The following ZC4H2 variants were observed in gnomAD, a reference collection of about 807,000 sequenced individuals.
ZC4H2 encodes the protein zinc finger C4H2-type containing.
For missense variants in ZC4H2, 137 were observed against 173.9 expected (o/e 0.79, Z 1.19); for synonymous variants, 84 against 66.3 (o/e 1.27, Z -1.30).
intron 1 of ZC4H2, among the ~76,000 whole-genome samples, chrX:64,946,208 C>T (rs1303836172): frequency 5.4e-5 from 6 of 111,725 alleles, no homozygotes; most frequent in Non-Finnish European, 1.1e-4. Flanking sequence ...AAACAGCCAC[C>T]CAGTTTTGTG....
At chrX:65,009,928 C>T (rs765594172) in intron 1 of ZC4H2, among the ~76,000 whole-genome samples, 3 of 112,150 alleles carry the variant, frequency 2.7e-5, no homozygotes, top group Non-Finnish European at 5.6e-5. Context: ...TCATACTCTC[C>T]AGAGTTCCTG....
intron 1 of ZC4H2, among the ~76,000 whole-genome samples, chrX:64,934,526 G>C (rs758739838): frequency 3.6e-5 from 4 of 111,959 alleles, no homozygotes; most frequent in Middle Eastern, 4.6e-3. Context: ...CCTGATATCA[G>C]AAAATTTGTG....
At chrX:65,003,165 A>C (rs192908762) in intron 1 of ZC4H2, among the ~76,000 whole-genome samples, 120 of 111,317 alleles carry the variant, frequency 1.1e-3, no homozygotes, top group African/African-American at 3.8e-3. Flanking sequence ...GAAAATGAAC[A>C]ATCTGCTCCT....
intron 1 of ZC4H2, among the ~76,000 whole-genome samples, chrX:64,950,606 CCTT>C (rs1930758652): frequency 9.1e-6 from 1 of 110,320 alleles, no homozygotes; most frequent in Non-Finnish European, 1.9e-5. Context: ...TATGAAATGA[CCTT>C]CTTTGTCTCT....
chrX:64,987,689 AT>A (rs1319288820), intron 1 of ZC4H2, among the ~76,000 whole-genome samples: 85 of 104,603 alleles, frequency 8.1e-4, no homozygotes, highest in East Asian at 2.7e-3. Flanking sequence ...TAAGCAAAGG[AT>A]TTTTTTTTTT....
Position 64,920,082 on chromosome X carries a change from C to T in ZC4H2, c.397G>A (p.Asp133Asn). The T allele has an allele frequency of 8.3e-7, 1 of 1,208,527 alleles. No homozygotes were observed. Among genetic ancestry groups the T allele is most frequent in the Non-Finnish European group, 1.1e-6 (1 of 894,318 alleles). ...AGGGACTGGGGGCAGGTAGCTTACT[C>T]CAAGGAAAGCTTCTCCTCTTCTTCA... ...LCEEEEKLSL[D>N]YFEKQKAEWQ... The change falls in exon 3 of 5, where the codon GAT (aspartate) becomes AAT (asparagine). Residue 133 changes from aspartate (D) to asparagine (N), a missense_variant and splice_region_variant. Physicochemically the swap from Asp to Asn is conservative, Grantham distance 23. Transcript: ENST00000374839.
At chrX:64,986,272 TG>T (rs1209518413) in intron 1 of ZC4H2, among the ~76,000 whole-genome samples, 1 of 112,325 alleles carries the variant, frequency 8.9e-6, no homozygotes, top group African/African-American at 3.2e-5. Flanking sequence ...GACAGCTTTT[TG>T]GTCTATTAGT....
chrX:64,934,879 G>A (rs910132038), intron 1 of ZC4H2, among the ~76,000 whole-genome samples: 2 of 111,696 alleles, frequency 1.8e-5, no homozygotes, highest in Non-Finnish European at 1.9e-5. Flanking sequence ...CCAGGACCCT[G>A]GGTTTCCAGC....
intron 1 of ZC4H2, among the ~76,000 whole-genome samples, chrX:64,931,893 C>T (rs1453138526): frequency 2.7e-5 from 3 of 111,511 alleles, no homozygotes; most frequent in African/African-American, 6.5e-5. Context: ...TAGTTTAAGT[C>T]CACTGTTTCT....
chrX:64,977,050 T>C (rs1931974389), upstream of ZC4H2, among the ~76,000 whole-genome samples: 1 of 111,351 alleles, frequency 9.0e-6, no homozygotes, highest in African/African-American at 3.3e-5. Context: ...AAGCTCGGAC[T>C]TTGCCAGTCA....
chrX:64,976,609 T>G, upstream of ZC4H2: 2 of 424,293 alleles, frequency 4.7e-6, no homozygotes, highest in Non-Finnish European at 8.2e-6. Flanking sequence ...TTTCCCTTCC[T>G]GCAGCCGCAC....
intron 1 of ZC4H2, among the ~76,000 whole-genome samples, chrX:64,995,522 G>A (rs1268945504): frequency 8.9e-6 from 1 of 111,994 alleles, no homozygotes; most frequent in East Asian, 2.8e-4. Context: ...ACCACACCTG[G>A]CTAATTTTTG....
At chrX:64,944,109 T>G (rs7049332) in intron 1 of ZC4H2, among the ~76,000 whole-genome samples, 30 of 109,737 alleles carry the variant, frequency 2.7e-4, no homozygotes, top group African/African-American at 1.0e-3. Flanking sequence ...TAGCTGGATA[T>G]GAAATTCTGG....
chrX:65,019,067 T>C (rs977794133), intron 1 of ZC4H2, among the ~76,000 whole-genome samples: 1 of 111,624 alleles, frequency 9.0e-6, no homozygotes, highest in Non-Finnish European at 1.9e-5. Context: ...CCCATCTCAC[T>C]GGGACAGAGG....
At position 64,916,723 on chromosome X, in the gene ZC4H2, GA is replaced by G. The variant is rs1408909430; in HGVS notation, c.*1059del. On this transcript the variant is annotated 3_prime_UTR_variant, in exon 5 of 5. Transcript: ENST00000374839. ...GGGAGCCTGATGCCTTTTCTTTTGG[GA>G]GGAAAGGCCACCTGCACAATCCACA... The G allele has an allele frequency of 1.8e-5, 2 of 111,209 alleles. No individual in the cohort carries two copies. Among genetic ancestry groups the G allele is most frequent in the African/African-American group, 6.5e-5 (2 of 30,568 alleles). 9.2% of individuals were successfully genotyped at this position (111,209 alleles called of 1,213,427 possible).
chrX:64,940,843 C>G (rs1411392783), intron 1 of ZC4H2, among the ~76,000 whole-genome samples: 1 of 111,783 alleles, frequency 8.9e-6, no homozygotes, highest in Non-Finnish European at 1.9e-5. Context: ...ATATCCCCAG[C>G]TTTGTTCTTT....
chrX:64,977,131 A>G (rs962894972), upstream of ZC4H2, among the ~76,000 whole-genome samples: 3 of 112,154 alleles, frequency 2.7e-5, no homozygotes, highest in Non-Finnish European at 3.8e-5. Flanking sequence ...TTTGAGGAAC[A>G]GAAGAGGCTG....
chrX:65,003,831 C>T (rs5918911), intron 1 of ZC4H2, among the ~76,000 whole-genome samples: 21,558 of 107,066 alleles, frequency 0.2, 2,058 homozygotes, highest in Admixed American at 0.31. Flanking sequence ...AAACCAAGAT[C>T]GCACCACTGC....
chrX:64,937,768 G>A lies in ZC4H2; in HGVS notation c.54-15780C>T, dbSNP rs770745747. Among the ~76,000 whole-genome samples the A allele has an allele frequency of 4.5e-5, 5 of 111,203 alleles. No individual in the cohort carries two copies. The East Asian group carries it at 1.4e-3, about 31-fold the overall frequency. On this transcript the variant is annotated intron_variant, in intron 1 of 4. Transcript: ENST00000374839. ...GAGATACAACGTACCAGGATCTCTG[G>A]GACACAATTAAAGCAGTGTGTAGAG...
Sources: gnomAD v4.1 joint callset for allele counts (sites outside exome capture counted in the v4.1 genomes callset) on GRCh38, gnomAD v4.1.1 for gene constraint, MANE v1.5 for transcripts, NCBI Gene and HGNC (gene_info 2026-07-23, HGNC 2026-07-21) for gene names.